The following TENM1 variants were observed in gnomAD, a reference collection of about 807,000 sequenced individuals.
TENM1 encodes the protein teneurin-1.
A neutral mutation model predicts 174.8 loss-of-function variants in TENM1; 35 were observed. The observed-to-expected ratio is 0.20, with a 90% CI of 0.15 to 0.27. TENM1 has a LOEUF of 0.27. TENM1 is among the 10% of genes least tolerant of loss of function. The probability of loss-of-function intolerance (pLI) is 1.00; values close to 1 mark genes in which losing one functional copy is unlikely to be tolerated. For synonymous variants in TENM1, 781 were observed against 798.7 expected (o/e 0.98, Z 0.37); for missense variants, 1,633 against 2,130.1 (o/e 0.77, Z 4.59).
chrX:124,790,171 C>T (rs2147200569), intron 3 of TENM1, among the ~76,000 whole-genome samples: 1 of 111,753 alleles, frequency 8.9e-6, no homozygotes, highest in East Asian at 2.8e-4. Context: ...CAGGAAAGAC[C>T]TGCCCCCATA....
chrX:124,639,046 T>A (rs2148365487), intron 11 of TENM1, among the ~76,000 whole-genome samples: 1 of 111,918 alleles, frequency 8.9e-6, no homozygotes, highest in South Asian at 3.8e-4. Context: ...CTTATATCAT[T>A]CAGCTACAAT....
exon 2 of TENM1, chrX:124,896,112 G>A: frequency 8.3e-7 from 1 of 1,211,479 alleles, no homozygotes; most frequent in Non-Finnish European, 1.1e-6. Context: ...ATGGTCAGGT[G>A]AGGCAGCACC....
At chrX:124,385,691 C>T (rs779785790) in exon 29 of TENM1, 5 of 1,196,019 alleles carry the variant, frequency 4.2e-6, no homozygotes, top group Non-Finnish European at 5.7e-6. Context: ...TTGCCTGTAT[C>T]TGATTGTGCA....
the TENM1 span, among the ~76,000 whole-genome samples, chrX:125,164,951 T>A: frequency 9.0e-6 from 1 of 111,475 alleles, no homozygotes; most frequent in Non-Finnish European, 1.9e-5. Context: ...ACCAAAAAGG[T>A]GTTCATTACT....
At chrX:124,754,716 T>C (rs1256387584) in intron 3 of TENM1, among the ~76,000 whole-genome samples, 2 of 108,012 alleles carry the variant, frequency 1.9e-5, no homozygotes, top group Non-Finnish European at 3.8e-5. Flanking sequence ...TCAAAGAACA[T>C]CTTTATTTCT....
At chrX:124,688,999 G>A (rs73215134) in intron 5 of TENM1, among the ~76,000 whole-genome samples, 3,023 of 111,460 alleles carry the variant, frequency 0.027, 39 homozygotes, top group Admixed American at 0.038. Flanking sequence ...ATCACATTGC[G>A]TACCTTAAAT....
At chrX:124,694,365 T>C (rs1395255501) in intron 5 of TENM1, among the ~76,000 whole-genome samples, 1 of 111,933 alleles carries the variant, frequency 8.9e-6, no homozygotes, top group Non-Finnish European at 1.9e-5. Flanking sequence ...AGTCCTGGCA[T>C]GGGCTACAGA....
intron 11 of TENM1, among the ~76,000 whole-genome samples, chrX:124,592,163 A>AT (rs2148256337): frequency 9.0e-6 from 1 of 111,211 alleles, no homozygotes; most frequent in Non-Finnish European, 1.9e-5. Context: ...CTTTGTGTTG[A>AT]TTTTCAACCT....
chrX:124,647,560 T>TA (rs1413754546), intron 8 of TENM1, among the ~76,000 whole-genome samples: 1 of 111,513 alleles, frequency 9.0e-6, no homozygotes, highest in African/African-American at 3.3e-5. Flanking sequence ...TTATAAGACT[T>TA]ACAGTAACTT....
chrX:124,554,034 A>G (rs2148139644), intron 14 of TENM1, among the ~76,000 whole-genome samples: 1 of 111,533 alleles, frequency 9.0e-6, no homozygotes, highest in East Asian at 2.8e-4. Context: ...GCTTGAAACC[A>G]GGAGGTGGAG....
chrX:125,155,161 C>T, the TENM1 span, among the ~76,000 whole-genome samples: 1 of 111,139 alleles, frequency 9.0e-6, no homozygotes, highest in Non-Finnish European at 1.9e-5. Context: ...AGGTTGTCCA[C>T]GTCCCCACCA....
At chrX:125,197,210 C>T in the TENM1 span, among the ~76,000 whole-genome samples, 4 of 111,656 alleles carry the variant, frequency 3.6e-5, no homozygotes, top group East Asian at 5.6e-4. Flanking sequence ...AACACTAAGT[C>T]GATTCCAAAC....
chrX:124,570,448 C>T (rs1000250612), intron 11 of TENM1, among the ~76,000 whole-genome samples: 1 of 111,018 alleles, frequency 9.0e-6, no homozygotes, highest in Admixed American at 9.6e-5. Context: ...ATACAAAAAT[C>T]CTAAACAAAA....
At chrX:125,203,461 T>C in the TENM1 span, among the ~76,000 whole-genome samples, 1 of 110,523 alleles carries the variant, frequency 9.0e-6, no homozygotes. Flanking sequence ...ACTGAAGGAG[T>C]TGGTTGGTAA....
the TENM1 span, among the ~76,000 whole-genome samples, chrX:124,989,022 G>A: frequency 2.7e-5 from 3 of 111,565 alleles, no homozygotes; most frequent in African/African-American, 9.7e-5. Context: ...CTGGTTCACC[G>A]CTTCTATTCA....
chrX:124,536,931 T>G (rs1478444513), intron 15 of TENM1, among the ~76,000 whole-genome samples: 1 of 111,744 alleles, frequency 8.9e-6, no homozygotes, highest in Non-Finnish European at 1.9e-5. Flanking sequence ...TCTCTGAATC[T>G]GCCTTTCGAC....
At chrX:124,792,521 G>A (rs2055203090) in intron 3 of TENM1, among the ~76,000 whole-genome samples, 1 of 112,041 alleles carries the variant, frequency 8.9e-6, no homozygotes, top group Non-Finnish European at 1.9e-5. Context: ...CTTTAGAGTT[G>A]TGTTATGCCA....
At chrX:124,508,291 T>C (rs1348973374) in intron 18 of TENM1, among the ~76,000 whole-genome samples, 6 of 112,582 alleles carry the variant, frequency 5.3e-5, no homozygotes. Context: ...GTTTATCTAT[T>C]ATTCCTAGCT....
chrX:124,451,187 A>C (rs1304313049), intron 23 of TENM1, among the ~76,000 whole-genome samples: 1 of 111,036 alleles, frequency 9.0e-6, no homozygotes, highest in African/African-American at 3.3e-5. Flanking sequence ...AATCTCTTTA[A>C]ATGTCTAATA....
Sources: allele counts gnomAD v4.1 joint callset (sites outside exome capture counted in the v4.1 genomes callset), GRCh38; gene constraint gnomAD v4.1.1; transcripts MANE v1.5; gene names NCBI Gene and HGNC (gene_info 2026-07-23, HGNC 2026-07-21).